TPPP: variants seen among roughly 807,000 people sequenced by gnomAD.
The protein encoded by TPPP is tubulin polymerization-promoting protein.
In TPPP, 6 loss-of-function variants were observed where a neutral mutation model predicts 15.5. The ratio of observed to expected loss-of-function variants is 0.39; its 90% confidence interval spans 0.21 to 0.77. The LOEUF (loss-of-function observed/expected upper bound fraction) is 0.77, where lower values mean the gene tolerates loss of function less well. TPPP is among the 30% of genes least tolerant of loss of function. The pLI is 0.42. For synonymous variants in TPPP, 146 were observed against 133.9 expected (o/e 1.09, Z -0.63); for missense variants, 269 against 307.2 (o/e 0.88, Z 0.93).
chr5:671,616 C>T (rs1019900067), intron 2 of TPPP, among the ~76,000 whole-genome samples: 4 of 152,314 alleles, frequency 2.6e-5, no homozygotes, highest in East Asian at 3.9e-4. Context: ...TGGTGCTGCC[C>T]GGCCTGCAGG....
At chr5:680,717 T>C (rs1263570502) in intron 1 of TPPP, among the ~76,000 whole-genome samples, 3 of 151,686 alleles carry the variant, frequency 2.0e-5, no homozygotes, top group African/African-American at 7.3e-5. Flanking sequence ...CTGCGTGGGG[T>C]GTGTGCTGAG....
intron 2 of TPPP, among the ~76,000 whole-genome samples, chr5:675,135 GGTGC>G (rs1580087193): frequency 6.9e-6 from 1 of 145,828 alleles, no homozygotes. Flanking sequence ...TGTGGCCAGG[GGTGC>G]AGTGTGGCCA....
At chr5:680,828 AT>A (rs1260062640) in intron 1 of TPPP, among the ~76,000 whole-genome samples, 1 of 152,216 alleles carries the variant, frequency 6.6e-6, no homozygotes, top group Admixed American at 6.5e-5. Context: ...TTAACAAAAT[AT>A]TTTTTAAAAG....
intron 1 of TPPP, among the ~76,000 whole-genome samples, chr5:685,571 T>C (rs1048094464): frequency 1.4e-4 from 22 of 152,194 alleles, no homozygotes; most frequent in Admixed American, 7.9e-4. Flanking sequence ...GAGCAGGGGC[T>C]GCATGGCCCT....
At position 677,924 on chromosome 5, in the gene TPPP, G is replaced by T. The variant is rs1447420944; in HGVS notation, c.137C>A (p.Pro46His). ...EGAGEGAAAS[P>H]ELSALEEAFR... The stretch of plus-strand genomic sequence containing the variant: ...GGCCTCCTCCAGGGCACTGAGCTCA[G>T]GGGATGCGGCTGCCCCCTCACCAGC... Residue 46 changes from proline (P) to histidine (H), a missense_variant, in exon 2 of 4, where the codon CCT becomes CAT. Physicochemically the swap from Pro to His is moderately conservative, Grantham distance 77. Transcript: ENST00000360578. 1 of 1,612,650 alleles carries T rather than the reference G, an allele frequency of 6.2e-7. No homozygotes were observed. The highest frequency in any genetic ancestry group is 1.1e-5 in the South Asian group (1 of 91,034).
intron 2 of TPPP, chr5:667,130 A>G (rs1194537058): frequency 6.6e-6 from 1 of 152,244 alleles, no homozygotes; most frequent in Admixed American, 6.5e-5. Context: ...AATAGCCAAA[A>G]CGATTTCAAG....
rs1380322639 is a variant in TPPP, at chr5:665,294, T to C, written c.468A>G (p.Lys156=). ...GKAPIISGVT[K]AISSPTVSRL... ...TCGACACTGTGGGCGACGAGATGGC[T>C]TTCTGCAAGAGGAGCAGGAGGAAGG... Residue 156 remains lysine, a splice_region_variant and synonymous_variant, in exon 4 of 4, where the codon AAA becomes AAG. Coordinates refer to ENST00000360578, the MANE Select transcript of TPPP (RefSeq NM_007030.3). 1 of 1,612,158 alleles carries C rather than the reference T, an allele frequency of 6.2e-7. No homozygotes were observed. The highest frequency in any genetic ancestry group is 2.2e-5 in the East Asian group (1 of 44,828).
chr5:686,385 C>T (rs1490983563), intron 1 of TPPP, among the ~76,000 whole-genome samples: 1 of 148,438 alleles, frequency 6.7e-6, no homozygotes, highest in African/African-American at 2.5e-5. Context: ...AGCCGAGGCT[C>T]TCAAGGGGGC....
intron 3 of TPPP, 145 bp downstream of exon 3, chr5:665,825 C>A (rs1478402164): frequency 2.1e-6 from 2 of 972,308 alleles, no homozygotes; most frequent in Non-Finnish European, 1.5e-6. Context: ...AGGCCACGCC[C>A]TCCTGACCAC....
chr5:679,407 TCCTGGGGGTGGAAGGGCCGCCTGGGGGC>T (rs1740558135), intron 1 of TPPP, among the ~76,000 whole-genome samples: 1 of 105,870 alleles, frequency 9.4e-6, no homozygotes, highest in South Asian at 3.8e-4. Flanking sequence ...GGGGGCAGGA[TCCTGGGGGTGGAAGGGCCGCCTGGGGGC>T]AGGATCCTGG....
At chr5:677,283 C>T (rs1274176284) in intron 2 of TPPP, among the ~76,000 whole-genome samples, 1 of 152,220 alleles carries the variant, frequency 6.6e-6, no homozygotes, top group Admixed American at 6.5e-5. Context: ...GAGACTCAGC[C>T]GCTGAGCCAG....
rs1325664111 is a variant in TPPP at position 663,387 on chromosome 5, G to T, written c.*1715C>A. The T allele has an allele frequency of 2.0e-5, 3 of 152,450 alleles. No individual in the cohort carries two copies. The highest frequency in any genetic ancestry group is 4.4e-5 in the Non-Finnish European group (3 of 68,098). 9.4% of individuals were successfully genotyped at this position (152,450 alleles called of 1,614,324 possible). ...TCCTAAAGGAGCCACGAAGCCTGAG[G>T]TCCATTTTTCCTTGCTCTTTATTTC... is the stretch of plus-strand genomic sequence containing the variant. On this transcript the variant is annotated 3_prime_UTR_variant, in exon 4 of 4. Coordinates refer to ENST00000360578, the MANE Select transcript of TPPP (RefSeq NM_007030.3).
intron 2 of TPPP, among the ~76,000 whole-genome samples, chr5:673,959 GGCCATGTGCATGCACACATGC>G (rs1177450723): frequency 6.6e-6 from 1 of 152,246 alleles, no homozygotes; most frequent in African/African-American, 2.4e-5. Context: ...GTGCACATGC[GGCCATGTGCATGCACACATGC>G]GCCATAGTTT....
At chr5:684,999 G>A (rs926606980) in intron 1 of TPPP, among the ~76,000 whole-genome samples, 2 of 152,168 alleles carry the variant, frequency 1.3e-5, no homozygotes, top group African/African-American at 2.4e-5. Flanking sequence ...CACGGCCGGG[G>A]CCGCCCCAGG....
chr5:674,840 G>A (rs927134952), intron 2 of TPPP, among the ~76,000 whole-genome samples: 3 of 151,652 alleles, frequency 2.0e-5, no homozygotes, highest in Non-Finnish European at 2.9e-5. Context: ...CCCTGTGGAT[G>A]ATGTGGGAGC....
rs761937617 is a variant in TPPP, at chr5:666,039, G to C, written c.396C>G (p.Ser132Arg). Residue 132 changes from serine (S) to arginine (R), a missense_variant, in exon 3 of 4, where the codon AGC becomes AGG. By Grantham distance (110) the Ser-to-Arg change is moderately radical. Coordinates refer to ENST00000360578, the MANE Select transcript of TPPP (RefSeq NM_007030.3). ...ELAKKRFKDK[S>R]SEEAVREVHR... ...GCACCTCGCGAACGGCCTCCTCGCT[G>C]CTCTTGTCTTTGAATCGCTTCTTGG... 8 of 1,611,386 alleles carry C rather than the reference G, an allele frequency of 5.0e-6. No homozygotes were observed. Among genetic ancestry groups the C allele is most frequent in the Non-Finnish European group, 6.8e-6 (8 of 1,179,652 alleles).
chr5:677,034 G>A (rs572915910), intron 2 of TPPP, among the ~76,000 whole-genome samples: 2 of 149,840 alleles, frequency 1.3e-5, no homozygotes, highest in African/African-American at 4.9e-5. Flanking sequence ...GTGCACACAC[G>A]ACGCGGAAAC....
intron 1 of TPPP, among the ~76,000 whole-genome samples, chr5:683,989 T>C (rs369404263): frequency 0.011 from 1,701 of 151,824 alleles, 12 homozygotes; most frequent in South Asian, 0.044. Context: ...CATCACAGCC[T>C]TCAATCCTGC....
At chr5:697,040 G>T (rs1741026273), upstream of TPPP, among the ~76,000 whole-genome samples, 1 of 141,806 alleles carries the variant, frequency 7.1e-6, no homozygotes, top group Non-Finnish European at 1.6e-5. Flanking sequence ...GTGTGTCTTT[G>T]TGTGCATGTG....
Sources: gnomAD v4.1 joint callset for allele counts (sites outside exome capture counted in the v4.1 genomes callset) on GRCh38, gnomAD v4.1.1 for gene constraint, MANE v1.5 for transcripts, NCBI Gene and HGNC (gene_info 2026-07-23, HGNC 2026-07-21) for gene names.